The following RAB33A variants were observed in gnomAD, a reference collection of about 807,000 sequenced individuals.
RAB33A encodes the protein ras-related protein Rab-33A.
Under a neutral mutation model 12.0 loss-of-function variants are expected in RAB33A, and 6 were observed. The observed-to-expected ratio is 0.50, with a 90% CI of 0.27 to 0.99. The LOEUF (loss-of-function observed/expected upper bound fraction) is 0.99, where lower values mean the gene tolerates loss of function less well. Among genes scored for constraint, RAB33A ranks in the 50% least tolerant of loss-of-function variants. The pLI, the probability that RAB33A is intolerant of heterozygous loss-of-function variation, is 0.11. For missense variants in RAB33A, 109 were observed against 192.0 expected, an observed-to-expected ratio of 0.57 and a Z score of 2.55; for synonymous variants, 70 against 82.4, an observed-to-expected ratio of 0.85 and a Z score of 0.81.
chrX:130,168,183 GAAAA>G (rs1457829979), upstream of RAB33A, among the ~76,000 whole-genome samples: 1 of 102,940 alleles, frequency 9.7e-6, no homozygotes, highest in Non-Finnish European at 2.0e-5. Context: ...TTTCAAAAAA[GAAAA>G]AGAAAGAAAT....
At chrX:130,138,062 CAAA>C in the RAB33A span, 47 of 39,880 alleles carry the variant, frequency 1.2e-3, no homozygotes, top group Admixed American at 3.5e-3. Context: ...AACTCCATCT[CAAA>C]AAAAAAAAAA....
the RAB33A span, among the ~76,000 whole-genome samples, chrX:130,146,594 A>G: frequency 9.1e-6 from 1 of 110,033 alleles, no homozygotes; most frequent in Non-Finnish European, 1.9e-5. Flanking sequence ...GTAAGTTTGT[A>G]AAATTTGGTC....
the RAB33A span, among the ~76,000 whole-genome samples, chrX:130,114,610 G>A: frequency 6.3e-5 from 7 of 111,764 alleles, no homozygotes; most frequent in Non-Finnish European, 1.3e-4. Context: ...GGAGCACTCC[G>A]AGCCTTTCTC....
At chrX:130,172,724 G>A (rs2031625295) in intron 1 of RAB33A, among the ~76,000 whole-genome samples, 1 of 111,623 alleles carries the variant, frequency 9.0e-6, no homozygotes, top group African/African-American at 3.3e-5. Context: ...CTACTGCTTG[G>A]GTGCCGATAG....
intron 1 of RAB33A, among the ~76,000 whole-genome samples, chrX:130,182,179 T>TATATATATATACACAC (rs370694549): frequency 1.1e-3 from 80 of 72,652 alleles, no homozygotes; most frequent in South Asian, 1.5e-3. Context: ...TATATATATA[T>TATATATATATACACAC]ATACACATAT....
the RAB33A span, chrX:130,129,761 C>A: frequency 4.0e-6 from 3 of 756,479 alleles, no homozygotes; most frequent in Non-Finnish European, 6.1e-6. Flanking sequence ...CTCTACTAAC[C>A]CCAAACAAGC....
upstream of RAB33A, among the ~76,000 whole-genome samples, chrX:130,170,942 C>G (rs1453245468): frequency 1.8e-5 from 2 of 113,007 alleles, no homozygotes; most frequent in Non-Finnish European, 3.8e-5. Context: ...TAGCTTCCCC[C>G]CCTTCTCCTA....
chrX:130,122,828 C>T, the RAB33A span, among the ~76,000 whole-genome samples: 4 of 111,638 alleles, frequency 3.6e-5, no homozygotes, highest in Non-Finnish European at 7.5e-5. Flanking sequence ...AGCTTAGGGG[C>T]TGAAGGATGA....
At chrX:130,168,176 C>A (rs1603233682), upstream of RAB33A, among the ~76,000 whole-genome samples, 1 of 104,066 alleles carries the variant, frequency 9.6e-6, no homozygotes, top group Non-Finnish European at 2.0e-5. Context: ...GACCCTATTT[C>A]AAAAAAGAAA....
upstream of RAB33A, among the ~76,000 whole-genome samples, chrX:130,170,981 G>T (rs950177055): frequency 8.9e-6 from 1 of 112,936 alleles, no homozygotes. Flanking sequence ...CCCGCGGCGG[G>T]CCTTCCCCAT....
the RAB33A span, among the ~76,000 whole-genome samples, chrX:130,125,812 C>CA: frequency 2.4e-4 from 27 of 111,426 alleles, no homozygotes; most frequent in Non-Finnish European, 4.0e-4. Context: ...AGAACAACAA[C>CA]AAAAAAAATC....
the RAB33A span, among the ~76,000 whole-genome samples, chrX:130,144,589 A>G: frequency 5.4e-5 from 6 of 111,509 alleles, no homozygotes; most frequent in South Asian, 2.3e-3. Flanking sequence ...TCTTCATTCC[A>G]TAAGATTGCC....
chrX:130,131,877 A>ATT, the RAB33A span: 244 of 928,532 alleles, frequency 2.6e-4, no homozygotes, highest in Middle Eastern at 3.0e-4. Context: ...ATGACACTGC[A>ATT]TTTTTTTTTT....
chrX:130,162,264 T>C, the RAB33A span, among the ~76,000 whole-genome samples: 71 of 112,096 alleles, frequency 6.3e-4, 1 homozygote, highest in Admixed American at 1.9e-4. Flanking sequence ...ATTGCTCAGT[T>C]TGGTTTTTTA....
chrX:130,134,302 G>A, the RAB33A span, among the ~76,000 whole-genome samples: 1 of 109,683 alleles, frequency 9.1e-6, no homozygotes, highest in Non-Finnish European at 1.9e-5. Flanking sequence ...CTATAGTTTT[G>A]TTTACTTATG....
At chrX:130,147,542 T>C in the RAB33A span, 17 of 1,212,082 alleles carry the variant, frequency 1.4e-5, no homozygotes, top group South Asian at 5.3e-5. Context: ...TTTGTGACAT[T>C]TGGGTCATCT....
chrX:130,115,709 A>AAAAGAAAGAAAG, the RAB33A span, among the ~76,000 whole-genome samples: 2 of 102,855 alleles, frequency 1.9e-5, no homozygotes, highest in African/African-American at 7.3e-5. Context: ...GGAGAAAGAA[A>AAAAGAAAGAAAG]AAAGAAAGAA....
chrX:130,137,426 T>C, the RAB33A span: 2 of 1,163,324 alleles, frequency 1.7e-6, no homozygotes, highest in South Asian at 3.9e-5. Flanking sequence ...TGGTGAACTC[T>C]GTGCACTTCC....
chrX:130,135,950 G>A, the RAB33A span: 1 of 1,104,079 alleles, frequency 9.1e-7, no homozygotes, highest in Non-Finnish European at 1.3e-6. Flanking sequence ...ACCCTATTTG[G>A]TTAGGCTGTT....
Sources: allele counts gnomAD v4.1 joint callset (sites outside exome capture counted in the v4.1 genomes callset), GRCh38; gene constraint gnomAD v4.1.1; transcripts MANE v1.5; gene names NCBI Gene and HGNC (gene_info 2026-07-23, HGNC 2026-07-21).